The following CSMD1 variants were observed in gnomAD, a reference collection of about 807,000 sequenced individuals.
CSMD1 encodes the protein CUB and sushi domain-containing protein 1.
Under a neutral mutation model 417.5 loss-of-function variants are expected in CSMD1, and 213 were observed. The observed-to-expected ratio is 0.51, with a 90% CI of 0.46 to 0.57. The LOEUF (loss-of-function observed/expected upper bound fraction) is 0.57. Among genes scored for constraint, CSMD1 ranks in the 20% least tolerant of loss-of-function variants. CSMD1 has a pLI of 0.00. For missense variants in CSMD1, 6,923 were observed against 4,529.7 expected (o/e 1.53, Z -15.17); for synonymous variants, 2,862 against 1,736.8 (o/e 1.65, Z -16.11).
chr8:3,456,132 G>A (rs1386424316), intron 12 of CSMD1, among the ~76,000 whole-genome samples: 1 of 152,186 alleles, frequency 6.6e-6, no homozygotes, highest in Non-Finnish European at 1.5e-5. Flanking sequence ...ATAATCTCCT[G>A]GTGTGCCATT....
chr8:4,298,852 A>T (rs983292939), intron 3 of CSMD1, among the ~76,000 whole-genome samples: 4 of 152,072 alleles, frequency 2.6e-5, no homozygotes, highest in African/African-American at 9.7e-5. Context: ...ATTTCTGGAA[A>T]TACTGGTATA....
intron 3 of CSMD1, among the ~76,000 whole-genome samples, chr8:4,262,982 A>G (rs1322119214): frequency 6.6e-6 from 1 of 152,204 alleles, no homozygotes; most frequent in South Asian, 2.1e-4. Context: ...ATCACATTTT[A>G]TACGCCTTTA....
intron 1 of CSMD1, among the ~76,000 whole-genome samples, chr8:4,962,298 A>C (rs962209874): frequency 5.3e-5 from 8 of 151,420 alleles, no homozygotes; most frequent in African/African-American, 1.9e-4. Context: ...GCAGCTTGGA[A>C]CTCCTGGTCT....
chr8:3,285,833 A>G (rs975749463), intron 25 of CSMD1, among the ~76,000 whole-genome samples: 3 of 151,230 alleles, frequency 2.0e-5, no homozygotes, highest in Non-Finnish European at 2.9e-5. Flanking sequence ...ATATATATAT[A>G]TATTTTATTA....
At chr8:3,118,965 G>C (rs1432242433) in intron 41 of CSMD1, among the ~76,000 whole-genome samples, 1 of 152,192 alleles carries the variant, frequency 6.6e-6, no homozygotes, top group Non-Finnish European at 1.5e-5. Context: ...AGGATCACGA[G>C]GTCAGGAGAT....
At chr8:4,532,740 G>C (rs1796894951) in intron 2 of CSMD1, among the ~76,000 whole-genome samples, 1 of 136,508 alleles carries the variant, frequency 7.3e-6, no homozygotes, top group Non-Finnish European at 1.5e-5. Flanking sequence ...CTCCAGAAAA[G>C]AAATCCTGCA....
At chr8:3,708,625 T>C in intron 6 of CSMD1, 134 bp from the exon 7 acceptor site, 1 of 697,284 alleles carries the variant, frequency 1.4e-6, no homozygotes, top group Non-Finnish European at 2.5e-6. Context: ...AAGAGGTGAA[T>C]GATACCAAGT....
At chr8:4,969,798 T>C (rs1585430634) in intron 1 of CSMD1, among the ~76,000 whole-genome samples, 2 of 152,066 alleles carry the variant, frequency 1.3e-5, no homozygotes, top group South Asian at 2.1e-4. Context: ...ACTTTAACAC[T>C]ACCTAATTTA....
chr8:3,632,780 C>G (rs183551412), intron 7 of CSMD1, among the ~76,000 whole-genome samples: 1 of 152,320 alleles, frequency 6.6e-6, no homozygotes, highest in Admixed American at 6.5e-5. Flanking sequence ...TTTTGGCAGT[C>G]TCCATTTGCT....
intron 52 of CSMD1, among the ~76,000 whole-genome samples, chr8:3,016,550 T>C (rs919650692): frequency 2.0e-5 from 3 of 152,188 alleles, no homozygotes; most frequent in African/African-American, 7.2e-5. Context: ...AAAAACTATA[T>C]TTATTAACTT....
rs1048216214 is a variant in CSMD1 at position 4,230,571 on chromosome 8, T to C, written c.415+189382A>G. On this transcript the variant is annotated intron_variant, in intron 3 of 69. Coordinates refer to ENST00000635120, the MANE Select transcript of CSMD1 (RefSeq NM_033225.6). Reference sequence around the variant, plus strand: ...TATATTGGACAATAAAGTCCAATCATAAAACACATCCTTAATGTTCATGGC... The same window carrying C: ...TATATTGGACAATAAAGTCCAATCACAAAACACATCCTTAATGTTCATGGC... 3.3e-5 allele frequency among the ~76,000 whole-genome samples: 5 copies of C among 152,182 alleles called. No individual in the cohort carries two copies. In the South Asian group the frequency reaches 1.0e-3, roughly 31 times the overall value.
intron 3 of CSMD1, among the ~76,000 whole-genome samples, chr8:4,144,492 T>C (rs529258365): frequency 6.6e-6 from 1 of 151,306 alleles, no homozygotes; most frequent in South Asian, 2.1e-4. Flanking sequence ...GATATCCGCT[T>C]GAGGGCTCCA....
chr8:4,878,830 A>C (rs1002779943), intron 1 of CSMD1, among the ~76,000 whole-genome samples: 1 of 151,636 alleles, frequency 6.6e-6, no homozygotes, highest in African/African-American at 2.4e-5. Context: ...CAGAGGAGAA[A>C]TTTTTAATAT....
rs1802684863 is a variant in CSMD1, at chr8:4,870,657, A to C, written c.85+123675T>G. Among the ~76,000 whole-genome samples, 3 of 152,166 alleles carry C rather than the reference A, an allele frequency of 2.0e-5. No individual in the cohort carries two copies. The South Asian group carries it at 6.2e-4, about 31-fold the overall frequency. On this transcript the variant is annotated intron_variant, in intron 1 of 69. Transcript: ENST00000635120. The stretch of plus-strand genomic sequence containing the variant: ...CAGCGCACCACGAGTGAGGGAATGG[A>C]GAAACAGAGTACAGAAGTAGGGAGA...
At chr8:3,970,041 C>A (rs928594285) in intron 5 of CSMD1, among the ~76,000 whole-genome samples, 8 of 152,200 alleles carry the variant, frequency 5.3e-5, no homozygotes, top group African/African-American at 1.9e-4. Flanking sequence ...CTTCAGCATA[C>A]TGAGCTACCA....
chr8:3,415,581 A>G (rs79740406), intron 12 of CSMD1, among the ~76,000 whole-genome samples: 2,843 of 151,984 alleles, frequency 0.019, 57 homozygotes, highest in East Asian at 0.096. Flanking sequence ...CTGGTCTCCA[A>G]CTCCTGGCCT....
At chr8:3,772,544 CATATAT>C (rs1491157296) in intron 5 of CSMD1, among the ~76,000 whole-genome samples, 2 of 47,616 alleles carry the variant, frequency 4.2e-5, no homozygotes, top group South Asian at 7.1e-4. Flanking sequence ...CATATATACA[CATATAT>C]ACATATATAC....
chr8:3,564,036 T>C (rs917766517), intron 10 of CSMD1, among the ~76,000 whole-genome samples: 4 of 152,224 alleles, frequency 2.6e-5, no homozygotes, highest in South Asian at 2.1e-4. Context: ...TGTAGTTGTA[T>C]ATATTTTGGG....
chr8:4,338,454 C>T (rs566870069), intron 3 of CSMD1, among the ~76,000 whole-genome samples: 64 of 152,186 alleles, frequency 4.2e-4, no homozygotes, highest in African/African-American at 1.3e-3. Flanking sequence ...GAAACCTGGA[C>T]GTTTACACCT....
Sources: gnomAD v4.1 joint callset for allele counts (sites outside exome capture counted in the v4.1 genomes callset) on GRCh38, gnomAD v4.1.1 for gene constraint, MANE v1.5 for transcripts, NCBI Gene and HGNC (gene_info 2026-07-23, HGNC 2026-07-21) for gene names.